The following FLVCR1 variants were observed in gnomAD, a reference collection of about 807,000 sequenced individuals.
The protein encoded by FLVCR1 is choline/ethanolamine transporter FLVCR1.
Under a neutral mutation model 53.6 loss-of-function variants are expected in FLVCR1, and 34 were observed. That is an observed-to-expected ratio of 0.63 (90% confidence interval 0.48 to 0.84). The LOEUF (loss-of-function observed/expected upper bound fraction) is 0.84, where lower values mean the gene tolerates loss of function less well. Ranked by LOEUF, FLVCR1 falls within the 40% of genes least tolerant of loss-of-function variation. FLVCR1 has a pLI of 0.00. For missense variants in FLVCR1, 677 were observed against 696.7 expected (o/e 0.97, Z 0.32); for synonymous variants, 300 against 286.3 (o/e 1.05, Z -0.48).
At chr1:212,887,024 A>G (rs889595410) in intron 5 of FLVCR1, among the ~76,000 whole-genome samples, 1 of 152,194 alleles carries the variant, frequency 6.6e-6, no homozygotes, top group Non-Finnish European at 1.5e-5. Context: ...TAAGGAATAA[A>G]TGAATGAAAT....
Sources: gnomAD v4.1 joint callset for allele counts (sites outside exome capture counted in the v4.1 genomes callset) on GRCh38, gnomAD v4.1.1 for gene constraint, MANE v1.5 for transcripts, NCBI Gene and HGNC (gene_info 2026-07-23, HGNC 2026-07-21) for gene names.